The following RNF17 variants were observed in gnomAD, a reference collection of about 807,000 sequenced individuals.
The protein encoded by RNF17 is ring finger protein 17.
RNF17 carries 31 observed loss-of-function variants against 200.5 expected under a neutral mutation model. The ratio of observed to expected loss-of-function variants is 0.15; its 90% CI spans 0.12 to 0.21. The LOEUF is 0.21. RNF17 is among the 10% of genes least tolerant of loss of function. The pLI is 1.00. For missense variants in RNF17, 1,628 were observed against 1,905.1 expected (o/e 0.85, Z 2.71); for synonymous variants, 606 against 637.8 (o/e 0.95, Z 0.75).
At chr13:24,871,581 G>T (rs969309634) in intron 32 of RNF17, among the ~76,000 whole-genome samples, 1 of 149,426 alleles carries the variant, frequency 6.7e-6, no homozygotes, top group Non-Finnish European at 1.5e-5. Context: ...CAAGTGAACC[G>T]CCCACCTTGA....
rs144692282 is a variant in RNF17, at chr13:24,773,143, C to T, written c.226-1670C>T. Reference sequence around the variant, plus strand: ...TTAGGCCCTGTGGAAAGCAGTTTGGCGATTTCTGAAAGAACTAATAATAGA... The same window carrying T: ...TTAGGCCCTGTGGAAAGCAGTTTGGTGATTTCTGAAAGAACTAATAATAGA... On this transcript the variant is annotated intron_variant, in intron 2 of 35. Transcript: ENST00000255324. 1.0e-3 allele frequency among the ~76,000 whole-genome samples: 158 copies of T among 152,210 alleles called. 2 individuals are homozygous for T. The highest frequency in any genetic ancestry group is 6.0e-3 in the East Asian group (31 of 5,190).
intron 25 of RNF17, among the ~76,000 whole-genome samples, chr13:24,856,495 G>A (rs959745005): frequency 3.3e-5 from 5 of 151,368 alleles, no homozygotes; most frequent in African/African-American, 1.2e-4. Flanking sequence ...GTAAAAAAAT[G>A]TTTATAGTTT....
chr13:24,873,725 T>A (rs918278569), intron 32 of RNF17, among the ~76,000 whole-genome samples: 33 of 139,490 alleles, frequency 2.4e-4, no homozygotes, highest in Admixed American at 2.1e-3. Context: ...TATTTGCCTT[T>A]CATGGCCTCA....
chr13:24,870,544 A>G (rs745956872), intron 31 of RNF17, 27 bp from the exon 32 acceptor site: 88 of 1,593,964 alleles, frequency 5.5e-5, no homozygotes, highest in Non-Finnish European at 7.4e-5. Context: ...AGAATCTGAA[A>G]GTTTTCCTTT....
chr13:24,852,136 CTT>C (rs542414882), intron 24 of RNF17, among the ~76,000 whole-genome samples: 56 of 123,336 alleles, frequency 4.5e-4, no homozygotes, highest in South Asian at 5.1e-4. Context: ...CTCTCTCTCT[CTT>C]TTTTTTTTTT....
intron 28 of RNF17, 38 bp from the exon 29 acceptor site, chr13:24,864,835 G>C: frequency 1.4e-6 from 2 of 1,417,484 alleles, no homozygotes; most frequent in Non-Finnish European, 2.0e-6. Flanking sequence ...ATCAAGTGGA[G>C]TTTATTTTTA....
intron 14 of RNF17, chr13:24,803,819 G>A (rs538783279): frequency 1.3e-5 from 2 of 157,286 alleles, no homozygotes; most frequent in Admixed American, 1.3e-4. Context: ...TAGCTCTAAA[G>A]TTTTGAGACT....
chr13:24,802,668 C>T (rs1885392494), intron 14 of RNF17, 97 bp downstream of exon 14: 1 of 858,448 alleles, frequency 1.2e-6, no homozygotes, highest in Non-Finnish European at 1.8e-6. Flanking sequence ...TAAAGTAAAC[C>T]TTAACATACC....
At chr13:24,863,214 A>G (rs1252147915) in intron 28 of RNF17, among the ~76,000 whole-genome samples, 2 of 152,208 alleles carry the variant, frequency 1.3e-5, no homozygotes, top group Non-Finnish European at 2.9e-5. Context: ...GCAAAAACCT[A>G]AAACATTTGC....
chr13:24,763,204 CT>C (rs11329776), upstream of RNF17, among the ~76,000 whole-genome samples: 60,030 of 128,800 alleles, frequency 0.47, 12,236 homozygotes, highest in East Asian at 0.53. Context: ...TGCTTCAACT[CT>C]TTTTTTTTTT....
At chr13:24,847,359 T>A (rs1009150569) in intron 22 of RNF17, among the ~76,000 whole-genome samples, 1 of 151,612 alleles carries the variant, frequency 6.6e-6, no homozygotes, top group African/African-American at 2.4e-5. Flanking sequence ...ATTTTTTTTT[T>A]TTTTGAGACA....
intron 4 of RNF17, among the ~76,000 whole-genome samples, chr13:24,779,058 G>A (rs1204981750): frequency 2.0e-5 from 3 of 152,036 alleles, no homozygotes; most frequent in African/African-American, 7.2e-5. Context: ...GTGTGGTGCT[G>A]TGGTCGTGCA....
chr13:24,857,649 C>A (rs1262470020), intron 25 of RNF17, among the ~76,000 whole-genome samples: 2 of 152,194 alleles, frequency 1.3e-5, no homozygotes, highest in Non-Finnish European at 2.9e-5. Flanking sequence ...CGCCTGTAAT[C>A]TCAGCACTTC....
chr13:24,803,251 C>T (rs1885469655), intron 14 of RNF17, among the ~76,000 whole-genome samples: 1 of 152,164 alleles, frequency 6.6e-6, no homozygotes, highest in Non-Finnish European at 1.5e-5. Flanking sequence ...ACCCTATATT[C>T]AATGTATGAA....
intron 28 of RNF17, among the ~76,000 whole-genome samples, chr13:24,864,198 G>GTGC (rs1233271351): frequency 6.6e-6 from 1 of 152,196 alleles, no homozygotes; most frequent in Non-Finnish European, 1.5e-5. Flanking sequence ...AGGGAGATGA[G>GTGC]TGCTGAGGCA....
the RNF17 span, among the ~76,000 whole-genome samples, chr13:24,749,440 A>C: frequency 6.6e-6 from 1 of 151,512 alleles, no homozygotes. Flanking sequence ...AGTAGCTGGG[A>C]CCACTGGTGT....
At chr13:24,791,631 G>T (rs1883874624) in intron 9 of RNF17, among the ~76,000 whole-genome samples, 1 of 152,072 alleles carries the variant, frequency 6.6e-6, no homozygotes, top group Non-Finnish European at 1.5e-5. Context: ...ATTGTAGGTG[G>T]ATTGTCTCCA....
downstream of RNF17, chr13:24,884,422 A>C (rs1035262074): frequency 1.2e-6 from 2 of 1,613,972 alleles, no homozygotes; most frequent in African/African-American, 1.3e-5. Flanking sequence ...TTCCATTGGG[A>C]AACAGTATAA....
chr13:24,825,446 A>G (rs997899623), intron 15 of RNF17, among the ~76,000 whole-genome samples, 173 bp from the exon 16 acceptor site: 2 of 152,206 alleles, frequency 1.3e-5, no homozygotes, highest in South Asian at 4.1e-4. Flanking sequence ...CTAATTTTCT[A>G]TACTGGTTCT....
Sources: gnomAD v4.1 joint callset for allele counts (sites outside exome capture counted in the v4.1 genomes callset) on GRCh38, gnomAD v4.1.1 for gene constraint, MANE v1.5 for transcripts, NCBI Gene and HGNC (gene_info 2026-07-23, HGNC 2026-07-21) for gene names.